TNFRSF8: variants seen among roughly 807,000 people sequenced by gnomAD.
TNFRSF8 encodes tumor necrosis factor receptor superfamily member 8.
Under a neutral mutation model 70.8 loss-of-function variants are expected in TNFRSF8, and 26 were observed. That is an observed-to-expected ratio of 0.37 (90% confidence interval 0.27 to 0.51). The LOEUF (loss-of-function observed/expected upper bound fraction) is 0.51. TNFRSF8 is among the 20% of genes least tolerant of loss of function. The pLI is 0.94. For missense variants in TNFRSF8, 720 were observed against 807.9 expected, an observed-to-expected ratio of 0.89 and a Z score of 1.32; for synonymous variants, 356 against 339.2, an observed-to-expected ratio of 1.05 and a Z score of -0.54.
At chr1:12,090,935 T>C (rs1360283322) in intron 2 of TNFRSF8, among the ~76,000 whole-genome samples, 3 of 152,036 alleles carry the variant, frequency 2.0e-5, no homozygotes, top group Non-Finnish European at 4.4e-5. Flanking sequence ...AAAAAGGCAA[T>C]TGAGTTAAAA....
chr1:12,141,504 G>A lies in TNFRSF8; in HGVS notation c.1544-783G>A, dbSNP rs1221158674. On this transcript the variant is annotated intron_variant, in intron 14 of 14. Coordinates refer to ENST00000263932, the MANE Select transcript of TNFRSF8 (RefSeq NM_001243.5). The surrounding 1 kb of genome is among the most constrained non-coding windows in gnomAD (Gnocchi z 5.4). ...TCACAGCACAGCCATGCACGCTGCA[G>A]GCAGGAGACCGGCTGTGAGCAGTAA... 6.6e-6 allele frequency among the ~76,000 whole-genome samples: 1 copy of A among 152,280 alleles called. No homozygotes were observed. Among genetic ancestry groups the A allele is most frequent in the Non-Finnish European group, 1.5e-5 (1 of 68,056 alleles).
intron 14 of TNFRSF8, among the ~76,000 whole-genome samples, chr1:12,140,383 G>A (rs920807014): frequency 1.2e-4 from 19 of 152,116 alleles, no homozygotes; most frequent in Admixed American, 4.6e-4. Flanking sequence ...TCTGTACATC[G>A]TCCCTCTTCC....
chr1:12,116,699 T>C (rs1425917959), intron 8 of TNFRSF8, among the ~76,000 whole-genome samples: 2 of 151,698 alleles, frequency 1.3e-5, no homozygotes, highest in Admixed American at 1.3e-4. Context: ...ACTCAGGAGG[T>C]TGAGGCAGGA....
chr1:12,140,171 A>C (rs1028590854), intron 14 of TNFRSF8, among the ~76,000 whole-genome samples: 5 of 152,176 alleles, frequency 3.3e-5, no homozygotes, highest in Non-Finnish European at 7.4e-5. Context: ...CAGCTGGCTC[A>C]GGTGTGGGCT....
chr1:12,115,755 G>T (rs765909853), intron 8 of TNFRSF8, 26 bp downstream of exon 8: 1 of 1,610,150 alleles, frequency 6.2e-7, no homozygotes, highest in Non-Finnish European at 8.5e-7. Context: ...CCCAGGCCTC[G>T]ACCACAGGGT....
At chr1:12,092,751 G>A (rs1181159727) in intron 2 of TNFRSF8, among the ~76,000 whole-genome samples, 3 of 151,650 alleles carry the variant, frequency 2.0e-5, no homozygotes, top group Non-Finnish European at 4.4e-5. Context: ...CTCGTGATCC[G>A]CCTGCCTCGA....
rs1335346216 is a variant in TNFRSF8, at chr1:12,110,264, A to T, written c.676+60A>T. On this transcript the variant is annotated intron_variant, in intron 6 of 14. Coordinates refer to ENST00000263932, the MANE Select transcript of TNFRSF8 (RefSeq NM_001243.5). This position sits in a 1 kb window ranked among gnomAD's most constrained non-coding sequence, Gnocchi z 4.0. ...GGGGTGCTCGATTGGTGGATGGCCC[A>T]TGAGTGGGGGTGTTTGGAGCAGGCG... 3 of 1,494,244 alleles carry T rather than the reference A, an allele frequency of 2.0e-6. No individual in the cohort carries two copies. The highest frequency in any genetic ancestry group is 2.7e-6 in the Non-Finnish European group (3 of 1,117,158). 92.6% of individuals were successfully genotyped at this position (1,494,244 alleles called of 1,614,324 possible).
Position 12,104,478 on chromosome 1 carries a change from CCCGCTGCTTCTT to C in TNFRSF8, c.371_382del (p.Arg124_Phe127del). On this transcript the variant is annotated inframe_deletion, in exon 4 of 15. Transcript: ENST00000263932. The stretch of plus-strand genomic sequence containing the variant: ...TCCACGTCTGCCGTCAACTCCTGTG[CCCGCTGCTTCTT>C]CCATTCTGTCTGTCCGGCAGGGATG... 2.5e-6 allele frequency: 4 copies of C among 1,614,222 alleles called. No homozygotes were observed. The highest frequency in any genetic ancestry group is 3.4e-6 in the Non-Finnish European group (4 of 1,180,044).
intron 13 of TNFRSF8, among the ~76,000 whole-genome samples, chr1:12,136,971 T>G (rs1642158218): frequency 6.7e-6 from 1 of 149,526 alleles, no homozygotes; most frequent in African/African-American, 2.5e-5. Flanking sequence ...AGGACAATAG[T>G]GGAGGGAAGG....
intron 2 of TNFRSF8, among the ~76,000 whole-genome samples, chr1:12,086,137 C>A (rs547386198): frequency 7.9e-5 from 12 of 152,308 alleles, no homozygotes; most frequent in African/African-American, 2.6e-4. Flanking sequence ...GGCTATTCCA[C>A]TGGAGCTGCG....
intron 2 of TNFRSF8, among the ~76,000 whole-genome samples, chr1:12,090,161 C>G (rs1641223336): frequency 6.9e-6 from 1 of 145,748 alleles, no homozygotes; most frequent in African/African-American, 2.6e-5. Flanking sequence ...TCTACCCATC[C>G]AACCATCTAC....
rs528679586 is a variant in TNFRSF8, at chr1:12,110,701, C to T, written c.676+497C>T. Among the ~76,000 whole-genome samples, 8 of 152,234 alleles carry T rather than the reference C, an allele frequency of 5.3e-5. No homozygotes were observed. In the South Asian group the frequency reaches 1.5e-3, roughly 28 times the overall value. Reference sequence around the variant, plus strand: ...GCCACCTCCACCTCCTGGGTTCAAGCGATTCTCCTGCCTCAGCCTCCTGAG... The same window carrying T: ...GCCACCTCCACCTCCTGGGTTCAAGTGATTCTCCTGCCTCAGCCTCCTGAG... On this transcript the variant is annotated intron_variant, in intron 6 of 14. Transcript: ENST00000263932. The surrounding 1 kb of genome is among the most constrained non-coding windows in gnomAD (Gnocchi z 4.0).
intron 12 of TNFRSF8, among the ~76,000 whole-genome samples, chr1:12,129,260 G>A (rs990932335): frequency 6.6e-6 from 1 of 152,142 alleles, no homozygotes; most frequent in Non-Finnish European, 1.5e-5. Context: ...AATGGTATAA[G>A]TATGAAGAAT....
rs1026848973 is a variant in TNFRSF8 at position 12,119,629 on chromosome 1, TCTCA to T, written c.947-3651_947-3648del. 2.6e-5 allele frequency among the ~76,000 whole-genome samples: 4 copies of T among 151,438 alleles called. No homozygotes were observed. Among genetic ancestry groups the T allele is most frequent in the African/African-American group, 9.7e-5 (4 of 41,140 alleles). ...ATTTTTATTATTTTTAGAGACAGGGTCTCACTCTGTGTTCCAGGCTGGAGTGCAG... is the reference window on the plus strand; with the variant it reads ...ATTTTTATTATTTTTAGAGACAGGGTCTCTGTGTTCCAGGCTGGAGTGCAG... On this transcript the variant is annotated intron_variant, in intron 8 of 14. Coordinates refer to ENST00000263932, the MANE Select transcript of TNFRSF8 (RefSeq NM_001243.5). This position sits in a 1 kb window ranked among gnomAD's most constrained non-coding sequence, Gnocchi z 4.4.
intron 3 of TNFRSF8, among the ~76,000 whole-genome samples, chr1:12,102,289 G>A (rs545361089): frequency 2.6e-5 from 4 of 152,256 alleles, no homozygotes; most frequent in South Asian, 2.1e-4. Flanking sequence ...GCGGGAAGAC[G>A]CGTGGCCTCT....
At chr1:12,127,143 C>A (rs1246272881) in intron 12 of TNFRSF8, among the ~76,000 whole-genome samples, 1 of 152,240 alleles carries the variant, frequency 6.6e-6, no homozygotes, top group Non-Finnish European at 1.5e-5. Flanking sequence ...TGCCAAGCAC[C>A]TTCTCTCTCC....
chr1:12,127,343 C>T (rs902101532), intron 12 of TNFRSF8, among the ~76,000 whole-genome samples: 1 of 152,258 alleles, frequency 6.6e-6, no homozygotes, highest in African/African-American at 2.4e-5. Flanking sequence ...GGAGGCAGGG[C>T]TCAGCAAGGT....
intron 3 of TNFRSF8, among the ~76,000 whole-genome samples, chr1:12,100,535 C>T (rs1641403671): frequency 6.6e-6 from 1 of 152,008 alleles, no homozygotes; most frequent in Non-Finnish European, 1.5e-5. Flanking sequence ...ACACTTTTTT[C>T]TACTTTAAAA....
At chr1:12,111,819 G>T (rs760312518) in intron 6 of TNFRSF8, 79 bp from the exon 7 acceptor site, 1 of 1,175,860 alleles carries the variant, frequency 8.5e-7, no homozygotes, top group Non-Finnish European at 1.3e-6. Flanking sequence ...GGTGAGGGAT[G>T]GGGGGCTTCA....
Sources: allele counts gnomAD v4.1 joint callset (sites outside exome capture counted in the v4.1 genomes callset), GRCh38; gene constraint gnomAD v4.1.1; non-coding constraint Gnocchi (gnomAD v3.1); transcripts MANE v1.5; gene names NCBI Gene and HGNC (gene_info 2026-07-23, HGNC 2026-07-21).